Variants in SSH2 observed in about 807,000 individuals in gnomAD.
SSH2 encodes the protein slingshot protein phosphatase 2, also known as protein phosphatase Slingshot homolog 2.
Under a neutral mutation model 135.2 loss-of-function variants are expected in SSH2, and 37 were observed. The ratio of observed to expected loss-of-function variants is 0.27; its 90% CI spans 0.21 to 0.36. SSH2 has a LOEUF of 0.36. Ranked by LOEUF, SSH2 falls within the 10% of genes least tolerant of loss-of-function variation. SSH2 has a pLI of 1.00. For missense variants in SSH2, 1,408 were observed against 1,765.3 expected, an observed-to-expected ratio of 0.80 and a Z score of 3.63; for synonymous variants, 628 against 646.2, an observed-to-expected ratio of 0.97 and a Z score of 0.43.
At chr17:29,808,006 T>C (rs1430160148) in intron 2 of SSH2, among the ~76,000 whole-genome samples, 5 of 152,206 alleles carry the variant, frequency 3.3e-5, no homozygotes, top group Admixed American at 1.3e-4. Flanking sequence ...AGTGCATTCA[T>C]AGAAAATTCT....
intron 3 of SSH2, among the ~76,000 whole-genome samples, chr17:29,740,035 A>G (rs1046953065): frequency 6.6e-6 from 1 of 152,206 alleles, no homozygotes; most frequent in African/African-American, 2.4e-5. Context: ...CCTCCATGTC[A>G]AAACAACTGC....
chr17:29,776,922 A>G (rs1205917243), intron 3 of SSH2, among the ~76,000 whole-genome samples: 1 of 152,264 alleles, frequency 6.6e-6, no homozygotes, highest in Admixed American at 6.5e-5. Context: ...CTAAAATTTT[A>G]AATTCATGGC....
chr17:29,733,910 CTTTTTTTT>C, intron 3 of SSH2, among the ~76,000 whole-genome samples: 1 of 130,492 alleles, frequency 7.7e-6, no homozygotes, highest in East Asian at 2.2e-4. Flanking sequence ...TAATTTCTTT[CTTTTTTTT>C]TTTTTTTTTT....
At chr17:29,674,322 T>C (rs1417452423) in intron 8 of SSH2, among the ~76,000 whole-genome samples, 5 of 152,220 alleles carry the variant, frequency 3.3e-5, no homozygotes, top group African/African-American at 1.2e-4. Flanking sequence ...CTCAAGAGAA[T>C]AATCTGAGAA....
intron 12 of SSH2, among the ~76,000 whole-genome samples, chr17:29,652,883 C>T (rs898792753): frequency 2.0e-5 from 3 of 152,168 alleles, no homozygotes; most frequent in African/African-American, 7.2e-5. Flanking sequence ...GTCTCAAACT[C>T]CTGACCTTGT....
At chr17:29,746,981 A>G (rs543214441) in intron 3 of SSH2, among the ~76,000 whole-genome samples, 1 of 152,322 alleles carries the variant, frequency 6.6e-6, no homozygotes, top group African/African-American at 2.4e-5. Flanking sequence ...AATCAATATA[A>G]AGTCCACAAT....
chr17:29,866,902 G>A (rs766413831), intron 1 of SSH2, among the ~76,000 whole-genome samples: 1 of 151,786 alleles, frequency 6.6e-6, no homozygotes, highest in Non-Finnish European at 1.5e-5. Context: ...GTGCCATATC[G>A]GCTCACTTCA....
chr17:29,729,683 C>A (rs1334627237), intron 3 of SSH2, among the ~76,000 whole-genome samples: 1 of 152,172 alleles, frequency 6.6e-6, no homozygotes, highest in Non-Finnish European at 1.5e-5. Flanking sequence ...TACATTCATA[C>A]AATGGGGTAC....
intron 1 of SSH2, among the ~76,000 whole-genome samples, chr17:29,890,459 A>T (rs146086898): frequency 6.6e-6 from 1 of 152,312 alleles, no homozygotes; most frequent in African/African-American, 2.4e-5. Context: ...ATTTGGCCAT[A>T]AAAAGGAATG....
chr17:29,927,614 C>A (rs1444017420), intron 1 of SSH2, among the ~76,000 whole-genome samples: 1 of 152,292 alleles, frequency 6.6e-6, no homozygotes, highest in Middle Eastern at 3.4e-3. Context: ...ATTCATACAG[C>A]AAGAGATAGA....
chr17:29,715,543 C>G (rs551204138), intron 3 of SSH2, among the ~76,000 whole-genome samples: 7 of 152,128 alleles, frequency 4.6e-5, no homozygotes, highest in African/African-American at 1.4e-4. Context: ...CTGCACCTAG[C>G]CTCCATGTCC....
At chr17:29,660,112 GCCA>G (rs1226304338) in intron 11 of SSH2, among the ~76,000 whole-genome samples, 1 of 147,836 alleles carries the variant, frequency 6.8e-6, no homozygotes, top group Non-Finnish European at 1.5e-5. Context: ...ACAGGCGTGA[GCCA>G]CCACGCCTGG....
At chr17:29,826,298 CTAGAAG>C (rs2042742964) in intron 2 of SSH2, among the ~76,000 whole-genome samples, 1 of 152,058 alleles carries the variant, frequency 6.6e-6, no homozygotes, top group African/African-American at 2.4e-5. Context: ...AAGCTTCCAC[CTAGAAG>C]TGACAAAAAC....
At chr17:29,691,212 C>G (rs1490572614) in intron 5 of SSH2, among the ~76,000 whole-genome samples, 2 of 152,084 alleles carry the variant, frequency 1.3e-5, no homozygotes, top group Non-Finnish European at 2.9e-5. Context: ...CTTGAATTCT[C>G]CTGCAAAATA....
intron 15 of SSH2, among the ~76,000 whole-genome samples, chr17:29,633,496 C>A (rs1352506424): frequency 6.6e-6 from 1 of 152,182 alleles, no homozygotes; most frequent in Non-Finnish European, 1.5e-5. Flanking sequence ...TAGCTTTCAC[C>A]CAAATCCTCT....
At chr17:29,803,124 T>A (rs1245184068) in intron 2 of SSH2, among the ~76,000 whole-genome samples, 3 of 152,196 alleles carry the variant, frequency 2.0e-5, no homozygotes, top group Non-Finnish European at 4.4e-5. Context: ...AAGGCTTAGA[T>A]CCACTGCTAG....
At chr17:29,913,804 T>G (rs1350345250) in intron 1 of SSH2, among the ~76,000 whole-genome samples, 1 of 151,908 alleles carries the variant, frequency 6.6e-6, no homozygotes, top group African/African-American at 2.4e-5. Context: ...CGGCCTAATT[T>G]TGTATTTTTA....
At chr17:29,772,046 T>G (rs556061405) in intron 3 of SSH2, among the ~76,000 whole-genome samples, 105 of 152,160 alleles carry the variant, frequency 6.9e-4, no homozygotes, top group African/African-American at 2.5e-3. Context: ...CAGTCCTTAG[T>G]AGAAAGGGGG....
chr17:29,764,534 T>G (rs998674547), intron 3 of SSH2, among the ~76,000 whole-genome samples: 3 of 152,208 alleles, frequency 2.0e-5, no homozygotes, highest in Admixed American at 6.5e-5. Context: ...TGAAATAAAC[T>G]AAGTTAGTTT....
Sources: gnomAD v4.1 joint callset for allele counts (sites outside exome capture counted in the v4.1 genomes callset) on GRCh38, gnomAD v4.1.1 for gene constraint, MANE v1.5 for transcripts, NCBI Gene and HGNC (gene_info 2026-07-23, HGNC 2026-07-21) for gene names.